Variants in ERC2 observed in about 807,000 individuals in gnomAD.
ERC2 encodes the protein ERC protein 2.
A neutral mutation model predicts 114.8 loss-of-function variants in ERC2; 42 were observed. That is an observed-to-expected ratio of 0.37 (90% CI 0.29 to 0.47). The LOEUF is 0.47. Ranked by LOEUF, ERC2 falls within the 20% of genes least tolerant of loss-of-function variation. The pLI is 0.99. For synonymous variants in ERC2, 454 were observed against 425.5 expected (o/e 1.07, Z -0.82); for missense variants, 939 against 1,150.7 (o/e 0.82, Z 2.66).
chr3:56,162,316 C>T (rs1465820269), intron 4 of ERC2, among the ~76,000 whole-genome samples: 7 of 152,144 alleles, frequency 4.6e-5, no homozygotes, highest in African/African-American at 1.7e-4. Flanking sequence ...CATCTACATT[C>T]ATCAGGGATA....
At chr3:56,330,020 C>G (rs1045487214) in intron 2 of ERC2, among the ~76,000 whole-genome samples, 1 of 144,996 alleles carries the variant, frequency 6.9e-6, no homozygotes. Context: ...TATATATTTC[C>G]AATATATATT....
intron 2 of ERC2, among the ~76,000 whole-genome samples, chr3:56,429,846 C>A (rs936242205): frequency 2.0e-5 from 3 of 152,130 alleles, no homozygotes; most frequent in African/African-American, 7.2e-5. Context: ...AATAGTCCTG[C>A]ACTCCCTGTA....
intron 2 of ERC2, among the ~76,000 whole-genome samples, chr3:56,372,594 T>C (rs1172743858): frequency 6.6e-6 from 1 of 151,974 alleles, no homozygotes; most frequent in African/African-American, 2.4e-5. Flanking sequence ...AGGTGTGGTA[T>C]CGCGTGCCTG....
At chr3:55,813,552 G>T (rs1185334404) in intron 14 of ERC2, among the ~76,000 whole-genome samples, 3 of 152,188 alleles carry the variant, frequency 2.0e-5, no homozygotes, top group African/African-American at 7.2e-5. Flanking sequence ...CTGTGCTCAG[G>T]AAGGTCCTTT....
intron 17 of ERC2, among the ~76,000 whole-genome samples, chr3:55,514,077 A>T (rs7646529): frequency 0.026 from 3,900 of 152,298 alleles, 165 homozygotes; most frequent in African/African-American, 0.09. Flanking sequence ...TGTAGTTACT[A>T]ATCAGTTGAC....
intron 12 of ERC2, among the ~76,000 whole-genome samples, chr3:55,979,279 G>T (rs1490062448): frequency 6.6e-6 from 1 of 152,192 alleles, no homozygotes; most frequent in East Asian, 1.9e-4. Context: ...CAACACCAAT[G>T]GCTGGTGAGA....
intron 13 of ERC2, among the ~76,000 whole-genome samples, chr3:55,892,849 C>T (rs982018856): frequency 7.9e-5 from 12 of 152,112 alleles, no homozygotes; most frequent in Admixed American, 2.0e-4. Context: ...TCCTCATCTT[C>T]CTAAAACTGA....
chr3:56,268,104 G>A (rs1490960629), intron 3 of ERC2, among the ~76,000 whole-genome samples: 2 of 151,952 alleles, frequency 1.3e-5, no homozygotes, highest in African/African-American at 4.8e-5. Flanking sequence ...GATAAATGAC[G>A]GACCACATAT....
chr3:56,144,898 G>A (rs1023456453), intron 5 of ERC2, among the ~76,000 whole-genome samples: 2 of 152,102 alleles, frequency 1.3e-5, no homozygotes, highest in Non-Finnish European at 2.9e-5. Context: ...TTCTTTTACA[G>A]CCATAAATTC....
At chr3:56,040,607 A>ATG (rs1553786983) in intron 7 of ERC2, among the ~76,000 whole-genome samples, 3 of 78,486 alleles carry the variant, frequency 3.8e-5, no homozygotes, top group African/African-American at 1.0e-4. Context: ...ATATATGTAT[A>ATG]TATAATATAT....
intron 17 of ERC2, among the ~76,000 whole-genome samples, chr3:55,528,920 G>A (rs1415680725): frequency 1.3e-5 from 2 of 152,194 alleles, no homozygotes; most frequent in African/African-American, 4.8e-5. Context: ...GCTCCCGGTT[G>A]AGAACTGCTG....
At chr3:56,240,915 C>G (rs779742406) in intron 3 of ERC2, among the ~76,000 whole-genome samples, 22 of 151,994 alleles carry the variant, frequency 1.4e-4, no homozygotes, top group Non-Finnish European at 2.8e-4. Flanking sequence ...TCCATTGTAC[C>G]CATCACACAA....
At chr3:55,697,091 C>G (rs1338441956) in intron 16 of ERC2, among the ~76,000 whole-genome samples, 1 of 152,146 alleles carries the variant, frequency 6.6e-6, no homozygotes, top group Non-Finnish European at 1.5e-5. Flanking sequence ...AACAAGACAT[C>G]AGACAACCTG....
At chr3:55,634,177 C>T (rs537789267) in intron 17 of ERC2, among the ~76,000 whole-genome samples, 5 of 152,306 alleles carry the variant, frequency 3.3e-5, no homozygotes, top group Admixed American at 2.6e-4. Context: ...CAGAATGCCC[C>T]AGACACGAAG....
At chr3:55,859,455 G>A (rs181334250) in intron 14 of ERC2, among the ~76,000 whole-genome samples, 1 of 152,232 alleles carries the variant, frequency 6.6e-6, no homozygotes, top group African/African-American at 2.4e-5. Flanking sequence ...CACTGGGGCA[G>A]GGGTGTAGGA....
intron 4 of ERC2, among the ~76,000 whole-genome samples, chr3:56,166,822 A>C (rs2082345740): frequency 6.6e-6 from 1 of 151,958 alleles, no homozygotes; most frequent in Non-Finnish European, 1.5e-5. Context: ...ATTTTTGTGA[A>C]TCTCTTCAAA....
In ERC2 at chr3:56,088,702, C is replaced by G. The variant is rs186128727; in HGVS notation, c.1474-7718G>C. Among the ~76,000 whole-genome samples the G allele has an allele frequency of 2.0e-3, 306 of 152,248 alleles. 2 individuals are homozygous for G. The highest frequency in any genetic ancestry group is 5.4e-3 in the Admixed American group (82 of 15,284). On this transcript the variant is annotated intron_variant, in intron 6 of 17. Coordinates refer to ENST00000288221, the MANE Select transcript of ERC2 (RefSeq NM_015576.3). The stretch of plus-strand genomic sequence containing the variant: ...AATGCAAATATATATGTTCAACTAA[C>G]TCATAACAATGGCCTTTCAAATGTC...
At chr3:56,181,456 G>C in intron 3 of ERC2, among the ~76,000 whole-genome samples, 1 of 152,154 alleles carries the variant, frequency 6.6e-6, no homozygotes, top group Non-Finnish European at 1.5e-5. Context: ...TTGTGACAGA[G>C]AACATATGGC....
intron 3 of ERC2, among the ~76,000 whole-genome samples, chr3:56,244,353 T>C (rs555408606): frequency 6.6e-6 from 1 of 152,348 alleles, no homozygotes; most frequent in South Asian, 2.1e-4. Flanking sequence ...TTTACTATAT[T>C]ATACTTTTTA....
Sources: allele counts gnomAD v4.1 joint callset (sites outside exome capture counted in the v4.1 genomes callset), GRCh38; gene constraint gnomAD v4.1.1; transcripts MANE v1.5; gene names NCBI Gene and HGNC (gene_info 2026-07-23, HGNC 2026-07-21).